The following LSAMP variants were observed in gnomAD, a reference collection of about 807,000 sequenced individuals.
LSAMP encodes limbic system-associated membrane protein.
Under a neutral mutation model 38.6 loss-of-function variants are expected in LSAMP, and 7 were observed. The ratio of observed to expected loss-of-function variants is 0.18; its 90% CI spans 0.10 to 0.34. The LOEUF (loss-of-function observed/expected upper bound fraction) is 0.34, where lower values mean the gene tolerates loss of function less well. LSAMP is among the 10% of genes least tolerant of loss of function. The pLI, the probability that LSAMP is intolerant of heterozygous loss-of-function variation, is 1.00. For missense variants in LSAMP, 313 were observed against 420.0 expected (o/e 0.75, Z 2.23); for synonymous variants, 154 against 166.8 (o/e 0.92, Z 0.59).
rs1323221951 is a variant in LSAMP, at chr3:115,808,681, C to T, written c.*1636G>A. 3.3e-5 allele frequency: 5 copies of T among 152,204 alleles called. No individual in the cohort carries two copies. The highest frequency in any genetic ancestry group is 1.2e-4 in the African/African-American group (5 of 41,448). The allele number at this position is 152,204 out of a possible 1,614,324, so 9.4% of individuals were successfully genotyped here. A position where few individuals can be genotyped will look rare whatever the true frequency, so the allele number is the denominator to read the frequency against. On this transcript the variant is annotated 3_prime_UTR_variant, in exon 7 of 7. Transcript: ENST00000490035. Reference sequence around the variant, plus strand: ...TAGGATAACAGTGGACCACCATGAACAGTGGTGCTGCAAACACCATCAGTG... The same window carrying T: ...TAGGATAACAGTGGACCACCATGAATAGTGGTGCTGCAAACACCATCAGTG...
intron 2 of LSAMP, among the ~76,000 whole-genome samples, chr3:116,033,763 G>A (rs748691971): frequency 3.9e-5 from 6 of 152,040 alleles, no homozygotes; most frequent in Non-Finnish European, 5.9e-5. Context: ...AACTGCCACT[G>A]GAACTCTGGG....
intron 1 of LSAMP, among the ~76,000 whole-genome samples, chr3:116,358,990 G>A (rs536151925): frequency 4.6e-5 from 7 of 152,208 alleles, no homozygotes; most frequent in South Asian, 2.1e-4. Context: ...TCTTCACCAC[G>A]TATAAAATCT....
At position 116,006,975 on chromosome 3, in the gene LSAMP, TC is replaced by T. The variant is rs548363036; in HGVS notation, c.514+12539del. Among the ~76,000 whole-genome samples the T allele has an allele frequency of 2.0e-5, 3 of 152,306 alleles. No individual in the cohort carries two copies. The East Asian group carries it at 5.8e-4, about 29-fold the overall frequency. On this transcript the variant is annotated intron_variant, in intron 3 of 6. Coordinates refer to ENST00000490035, the MANE Select transcript of LSAMP (RefSeq NM_002338.5). Reference sequence around the variant, plus strand: ...CCCAAACAGCATAAAGACTCGGCTATCAGGCCAAAAAAATTAAAGAAAAAAA... The same window carrying T: ...CCCAAACAGCATAAAGACTCGGCTATAGGCCAAAAAAATTAAAGAAAAAAA...
At chr3:116,390,739 C>CAA (rs60344430) in intron 1 of LSAMP, among the ~76,000 whole-genome samples, 679 of 54,948 alleles carry the variant, frequency 0.012, 1 homozygote, top group Non-Finnish European at 0.014. Flanking sequence ...GACTCCGCCT[C>CAA]AAAAAAAAAA....
intron 1 of LSAMP, among the ~76,000 whole-genome samples, chr3:116,316,480 G>A (rs1174479820): frequency 1.3e-5 from 2 of 152,110 alleles, no homozygotes; most frequent in African/African-American, 2.4e-5. Context: ...AGTATATAAA[G>A]GCAAGGAAAA....
At chr3:116,164,572 A>AATATATATATATATATATAATCCAAAT (rs1709984058) in intron 1 of LSAMP, among the ~76,000 whole-genome samples, 1 of 102,374 alleles carries the variant, frequency 9.8e-6, no homozygotes, top group African/African-American at 4.2e-5. Context: ...CACTAATCCA[A>AATATATATATATATATATAATCCAAAT]ATATATATAT....
chr3:116,071,053 TAATAAATAAATAAATA>T (rs369537377), intron 2 of LSAMP, among the ~76,000 whole-genome samples: 210 of 138,860 alleles, frequency 1.5e-3, no homozygotes, highest in African/African-American at 5.0e-3. Context: ...AATAAATAAA[TAATAAATAAATAAATA>T]AATAAATAAA....
chr3:116,275,307 C>T (rs2047034513), intron 1 of LSAMP, among the ~76,000 whole-genome samples: 1 of 152,116 alleles, frequency 6.6e-6, no homozygotes. Context: ...CCCTCCTTGG[C>T]CTCCCAAAGT....
Position 115,872,263 on chromosome 3 carries a change from G to A in LSAMP, c.515-19646C>T, listed in dbSNP as rs112772758. Among the ~76,000 whole-genome samples the A allele has an allele frequency of 2.8e-3, 431 of 152,244 alleles. 2 individuals carry two copies. Among genetic ancestry groups the A allele is most frequent in the African/African-American group, 9.3e-3 (387 of 41,564 alleles). On this transcript the variant is annotated intron_variant, in intron 3 of 6. Coordinates refer to ENST00000490035, the MANE Select transcript of LSAMP (RefSeq NM_002338.5). Reference sequence around the variant, plus strand: ...GTTATGGATCAACAGCATTTCTACTGTTAAATATATTTTCTTGCCTCCATT... The same window carrying A: ...GTTATGGATCAACAGCATTTCTACTATTAAATATATTTTCTTGCCTCCATT...
chr3:116,079,144 A>T (rs1195802585), intron 2 of LSAMP, among the ~76,000 whole-genome samples: 1 of 152,184 alleles, frequency 6.6e-6, no homozygotes, highest in Non-Finnish European at 1.5e-5. Context: ...GAAACTTTTT[A>T]TCATTATCCG....
intron 2 of LSAMP, among the ~76,000 whole-genome samples, chr3:116,066,907 AT>A (rs540761030): frequency 4.7e-5 from 7 of 150,106 alleles, no homozygotes; most frequent in South Asian, 2.1e-4. Flanking sequence ...GCCTGCCCCC[AT>A]TTTTTTTTGC....
chr3:116,262,162 A>T (rs138017491), intron 1 of LSAMP, among the ~76,000 whole-genome samples: 1 of 152,274 alleles, frequency 6.6e-6, no homozygotes, highest in African/African-American at 2.4e-5. Context: ...ACCTAAATGC[A>T]ATGACTATTG....
chr3:116,228,136 T>C (rs2046362702), intron 1 of LSAMP, among the ~76,000 whole-genome samples: 1 of 152,112 alleles, frequency 6.6e-6, no homozygotes, highest in African/African-American at 2.4e-5. Flanking sequence ...ATTGTCCTTA[T>C]GTGGTCCACA....
chr3:115,866,563 C>A (rs1253225498), intron 3 of LSAMP, among the ~76,000 whole-genome samples: 1 of 152,130 alleles, frequency 6.6e-6, no homozygotes, highest in Non-Finnish European at 1.5e-5. Flanking sequence ...TGGAGGGCTA[C>A]TGACCTTCTC....
intron 2 of LSAMP, among the ~76,000 whole-genome samples, chr3:116,049,772 T>C (rs1941358713): frequency 6.6e-6 from 1 of 152,212 alleles, no homozygotes; most frequent in African/African-American, 2.4e-5. Flanking sequence ...TTTCACTTTA[T>C]ATTTCTTTCA....
intron 3 of LSAMP, among the ~76,000 whole-genome samples, chr3:115,875,594 T>G (rs1936160077): frequency 6.6e-6 from 1 of 152,092 alleles, no homozygotes; most frequent in South Asian, 2.1e-4. Context: ...CTATTGCTAT[T>G]GTGACTGAAT....
At chr3:116,063,824 AACCAAATCTTC>A (rs1341551031) in intron 2 of LSAMP, among the ~76,000 whole-genome samples, 1 of 152,190 alleles carries the variant, frequency 6.6e-6, no homozygotes, top group East Asian at 1.9e-4. Flanking sequence ...ACTACAAAAA[AACCAAATCTTC>A]AAAAAGCATG....
At chr3:116,115,702 C>T (rs1279847206) in intron 1 of LSAMP, among the ~76,000 whole-genome samples, 3 of 148,218 alleles carry the variant, frequency 2.0e-5, no homozygotes, top group African/African-American at 4.9e-5. Context: ...TTTGTTGAGT[C>T]GAGAACCCTA....
chr3:115,889,189 G>T (rs1475372801), intron 3 of LSAMP, among the ~76,000 whole-genome samples: 1 of 151,940 alleles, frequency 6.6e-6, no homozygotes, highest in Non-Finnish European at 1.5e-5. Flanking sequence ...AAGGTTCCTT[G>T]TGTTTAAAAA....
Sources: gnomAD v4.1 joint callset for allele counts (sites outside exome capture counted in the v4.1 genomes callset) on GRCh38, gnomAD v4.1.1 for gene constraint, MANE v1.5 for transcripts, NCBI Gene and HGNC (gene_info 2026-07-23, HGNC 2026-07-21) for gene names.